CDH23: variants seen among roughly 807,000 people sequenced by gnomAD.
CDH23 encodes cadherin related 23.
A neutral mutation model predicts 317.1 loss-of-function variants in CDH23; 189 were observed. That is an observed-to-expected ratio of 0.60 (90% CI 0.53 to 0.67). The LOEUF (loss-of-function observed/expected upper bound fraction) is 0.67. Among genes scored for constraint, CDH23 ranks in the 30% least tolerant of loss-of-function variants. The pLI, the probability that CDH23 is intolerant of heterozygous loss-of-function variation, is 0.00. For synonymous variants in CDH23, 1,839 were observed against 1,876.8 expected, an observed-to-expected ratio of 0.98 and a Z score of 0.52; for missense variants, 4,401 against 4,592.4, an observed-to-expected ratio of 0.96 and a Z score of 1.20.
In CDH23 at chr10:71,403,330, T is replaced by TTCCTTCCTTCCTTCCTTC. The variant is rs1564557822; in HGVS notation, c.-6+6012_-6+6013insTCCTTCCTTCCTTCCTTC. Among the ~76,000 whole-genome samples the TTCCTTCCTTCCTTCCTTC allele has an allele frequency of 5.7e-4, 25 of 44,078 alleles. 5 individuals are homozygous for TTCCTTCCTTCCTTCCTTC. The highest frequency in any genetic ancestry group is 1.8e-3 in the African/African-American group (22 of 12,324). 28.9% of individuals were successfully genotyped at this position (44,078 alleles called of 152,430 possible). On this transcript the variant is annotated intron_variant, in intron 1 of 69. Transcript: ENST00000224721. The stretch of plus-strand genomic sequence containing the variant: ...CTTTCTCTTTCTTCCTTCCTTCCTT[T>TTCCTTCCTTCCTTCCTTC]CTTTCTTTCTTTCTTTCTTTCTTTC...
At position 71,811,396 on chromosome 10, in the gene CDH23, C is replaced by T; in HGVS notation, c.9159C>T (p.Ala3053=). ...RNYNVLDVQP[A]ISVRLPDDMS... ...ACAACGTCCTGGACGTGCAGCCTGC[C>T]ATCTCTGTCCGGCTGCCGGATGACA... Residue 3053 remains alanine, a synonymous_variant, in exon 63 of 70, where the codon GCC becomes GCT. Transcript: ENST00000224721. The T allele has an allele frequency of 6.2e-7, 1 of 1,613,976 alleles. No homozygotes were observed. The highest frequency in any genetic ancestry group is 8.5e-7 in the Non-Finnish European group (1 of 1,179,898).
chr10:71,661,986 C>T (rs551682181), intron 14 of CDH23, among the ~76,000 whole-genome samples: 2 of 150,520 alleles, frequency 1.3e-5, no homozygotes, highest in African/African-American at 2.4e-5. Context: ...TGCACCATCA[C>T]GGTGCAGCCC....
intron 38 of CDH23, among the ~76,000 whole-genome samples, chr10:71,757,834 C>T (rs924559543): frequency 2.4e-4 from 37 of 152,190 alleles, no homozygotes; most frequent in African/African-American, 8.4e-4. Context: ...CATTCTGCTG[C>T]GCTGGGGGGT....
chr10:71,702,904 A>C (rs773221408), intron 24 of CDH23, among the ~76,000 whole-genome samples: 8 of 152,198 alleles, frequency 5.3e-5, no homozygotes, highest in Non-Finnish European at 1.0e-4. Context: ...AGAGGCAAAG[A>C]TGGAATTCTG....
intron 6 of CDH23, among the ~76,000 whole-genome samples, chr10:71,563,760 CT>C (rs889778462): frequency 5.6e-5 from 4 of 71,908 alleles, no homozygotes; most frequent in African/African-American, 2.1e-4. Context: ...TTTTTTTTTT[CT>C]TTTTTGAGAC....
intron 3 of CDH23, among the ~76,000 whole-genome samples, chr10:71,491,008 G>A (rs117133145): frequency 8.6e-5 from 13 of 151,888 alleles, no homozygotes; most frequent in African/African-American, 2.2e-4. Flanking sequence ...AGACTCCATC[G>A]CAAAAAAAAT....
intron 6 of CDH23, among the ~76,000 whole-genome samples, chr10:71,525,655 A>C (rs1345757656): frequency 6.6e-6 from 1 of 152,114 alleles, no homozygotes; most frequent in African/African-American, 2.4e-5. Flanking sequence ...GGAGAGAGGG[A>C]GAGATGGCAG....
chr10:71,607,205 CCTGCCCCAGGGGCGGGGGCTTAGG>C (rs1691170429), intron 9 of CDH23, among the ~76,000 whole-genome samples: 1 of 152,250 alleles, frequency 6.6e-6, no homozygotes, highest in Non-Finnish European at 1.5e-5. Context: ...TGCAAGCCAG[CCTGCCCCAGGGGCGGGGGCTTAGG>C]CTGCCCACAC....
intron 16 of CDH23, 46 bp from the exon 17 acceptor site, chr10:71,679,341 C>A: frequency 2.3e-6 from 3 of 1,288,390 alleles, no homozygotes; most frequent in South Asian, 2.5e-5. Flanking sequence ...TTCTGGCCCC[C>A]AGTCTCCTGC....
intron 3 of CDH23, among the ~76,000 whole-genome samples, chr10:71,460,877 G>C (rs1233684789): frequency 6.6e-6 from 1 of 152,194 alleles, no homozygotes; most frequent in Non-Finnish European, 1.5e-5. Context: ...GAAGTGAGTG[G>C]GCAGAGCCTG....
In CDH23 at chr10:71,724,059, C is replaced by G. The variant is rs775197615; in HGVS notation, c.3384C>G (p.Asp1128Glu). ...GHSILQLKAT[D>E]ADEGEFGRVW... Reference sequence around the variant, plus strand: ...TTCTTCCTCAGCTGAAAGCCACGGACGCAGATGAGGGCGAGTTTGGGCGTG... The same window carrying G: ...TTCTTCCTCAGCTGAAAGCCACGGAGGCAGATGAGGGCGAGTTTGGGCGTG... Residue 1128 changes from aspartate to glutamate, a missense_variant, in exon 29 of 70, where the codon GAC (aspartate) becomes GAG (glutamate). Physicochemically the swap from Asp to Glu is conservative, Grantham distance 45. Coordinates refer to ENST00000224721, the MANE Select transcript of CDH23 (RefSeq NM_022124.6). 1.9e-6 allele frequency: 3 copies of G among 1,560,476 alleles called. No individual in the cohort carries two copies. Among genetic ancestry groups the G allele is most frequent in the Admixed American group, 3.8e-5 (2 of 52,028 alleles).
intron 1 of CDH23, among the ~76,000 whole-genome samples, chr10:71,421,846 G>T (rs1564569654): frequency 2.0e-5 from 3 of 152,120 alleles, no homozygotes; most frequent in Admixed American, 2.0e-4. Flanking sequence ...GTGTGTGTGT[G>T]TGTGTCTGAA....
intron 53 of CDH23, 24 bp from the exon 54 acceptor site, chr10:71,802,874 T>A (rs747163479): frequency 1.5e-5 from 24 of 1,613,582 alleles, no homozygotes; most frequent in Non-Finnish European, 1.9e-5. Context: ...TCCTTACCTT[T>A]GGCCTTGACC....
Position 71,447,131 on chromosome 10 carries a change from C to T in CDH23, c.145+736C>T, listed in dbSNP as rs116182645. Among the ~76,000 whole-genome samples the T allele has an allele frequency of 8.8e-3, 1,343 of 152,318 alleles. 26 individuals are homozygous for T. Among genetic ancestry groups the T allele is most frequent in the Middle Eastern group, 0.024 (7 of 294 alleles). ...AGTGCCTGTCATCCGGGGCTTCTTA[C>T]TCTCGGGTCTGCCATCTCTACATGT... is the stretch of plus-strand genomic sequence containing the variant. On this transcript the variant is annotated intron_variant, in intron 3 of 69. Transcript: ENST00000224721.
At chr10:71,713,455 G>T in intron 28 of CDH23, 1 of 591,276 alleles carries the variant, frequency 1.7e-6, no homozygotes, top group South Asian at 2.0e-5. Context: ...GGGAATCTGG[G>T]CCTGCCCACT....
intron 25 of CDH23, 113 bp from the exon 26 acceptor site, chr10:71,706,784 G>T: frequency 6.8e-7 from 1 of 1,476,196 alleles, no homozygotes; most frequent in South Asian, 1.4e-5. Context: ...TGGAGCCCGT[G>T]ACTCCCTTGG....
intron 11 of CDH23, among the ~76,000 whole-genome samples, chr10:71,639,746 G>A (rs528736618): frequency 2.1e-4 from 32 of 152,250 alleles, no homozygotes; most frequent in Admixed American, 7.8e-4. Context: ...GTCATAGCCG[G>A]GCTTCACAAA....
At chr10:71,460,373 C>T (rs1472627686) in intron 3 of CDH23, among the ~76,000 whole-genome samples, 4 of 152,264 alleles carry the variant, frequency 2.6e-5, no homozygotes, top group African/African-American at 9.6e-5. Context: ...CACAGCACCG[C>T]CTGTGGGCCC....
intron 3 of CDH23, among the ~76,000 whole-genome samples, chr10:71,451,671 G>T (rs1055484781): frequency 6.6e-6 from 1 of 152,176 alleles, no homozygotes; most frequent in African/African-American, 2.4e-5. Flanking sequence ...TTTTTCCGGG[G>T]CCTGGCCATC....
Sources: gnomAD v4.1 joint callset for allele counts (sites outside exome capture counted in the v4.1 genomes callset) on GRCh38, gnomAD v4.1.1 for gene constraint, MANE v1.5 for transcripts, NCBI Gene and HGNC (gene_info 2026-07-23, HGNC 2026-07-21) for gene names.